FOXP2: variants seen among roughly 807,000 people sequenced by gnomAD.
FOXP2 encodes the protein forkhead box P2.
Under a neutral mutation model 115.8 loss-of-function variants are expected in FOXP2, and 12 were observed. The observed-to-expected ratio is 0.10, with a 90% CI of 0.07 to 0.17. FOXP2 has a LOEUF of 0.17. Among genes scored for constraint, FOXP2 ranks in the 10% least tolerant of loss-of-function variants. FOXP2 has a pLI of 1.00. For missense variants in FOXP2, 629 were observed against 843.5 expected (o/e 0.75, Z 3.15); for synonymous variants, 328 against 297.7 (o/e 1.10, Z -1.05).
At chr7:114,444,692 A>G (rs898317982) in intron 2 of FOXP2, among the ~76,000 whole-genome samples, 2 of 152,216 alleles carry the variant, frequency 1.3e-5, no homozygotes, top group South Asian at 4.1e-4. Context: ...AAATATTTAT[A>G]TAATGTTTAT....
chr7:114,331,500 G>A (rs1285671927), intron 2 of FOXP2, among the ~76,000 whole-genome samples: 2 of 152,180 alleles, frequency 1.3e-5, no homozygotes, highest in South Asian at 2.1e-4. Flanking sequence ...TTCTTGGCTA[G>A]TGTGCCAAGA....
intron 2 of FOXP2, among the ~76,000 whole-genome samples, chr7:114,477,963 A>G (rs1796360425): frequency 6.6e-6 from 1 of 151,770 alleles, no homozygotes; most frequent in African/African-American, 2.4e-5. Context: ...GTTCTACAAA[A>G]ACTTCTGGGC....
At chr7:114,138,374 A>G (rs1792100165) in intron 1 of FOXP2, among the ~76,000 whole-genome samples, 1 of 149,450 alleles carries the variant, frequency 6.7e-6, no homozygotes, top group Admixed American at 6.8e-5. Flanking sequence ...CCTCCCCACA[A>G]CAACTCTATA....
chr7:114,291,284 A>T (rs1796582376), intron 2 of FOXP2, among the ~76,000 whole-genome samples: 1 of 152,072 alleles, frequency 6.6e-6, no homozygotes, highest in South Asian at 2.1e-4. Context: ...CCTTTTATAA[A>T]AAGGGCACTA....
At chr7:114,491,649 T>G (rs1584801878) in intron 2 of FOXP2, among the ~76,000 whole-genome samples, 1 of 152,188 alleles carries the variant, frequency 6.6e-6, no homozygotes, top group South Asian at 2.1e-4. Context: ...AGTCTAACAT[T>G]TAAGTCTTTA....
intron 1 of FOXP2, among the ~76,000 whole-genome samples, chr7:114,285,856 A>T (rs1796454530): frequency 6.6e-6 from 1 of 151,850 alleles, no homozygotes; most frequent in African/African-American, 2.4e-5. Context: ...ACCAGTATTA[A>T]TTCCTCATTG....
At chr7:114,633,252 CA>C (rs1246534261) in intron 6 of FOXP2, among the ~76,000 whole-genome samples, 2 of 151,896 alleles carry the variant, frequency 1.3e-5, no homozygotes, top group Non-Finnish European at 2.9e-5. Flanking sequence ...TCAAAACAAG[CA>C]AAAAACATCT....
rs561838174 is a variant in FOXP2, at chr7:114,274,131, C to G, written c.-101-13888C>G. On this transcript the variant is annotated intron_variant, in intron 1 of 17. Transcript: ENST00000634411. Reference sequence around the variant, plus strand: ...TCCCATAGTTTGCAATATAGACTTACAACTAATCCAAGTCCACTTTCAAGT... The same window carrying G: ...TCCCATAGTTTGCAATATAGACTTAGAACTAATCCAAGTCCACTTTCAAGT... Among the ~76,000 whole-genome samples the G allele has an allele frequency of 1.4e-3, 218 of 151,816 alleles. 1 individual carries two copies. The highest frequency in any genetic ancestry group is 4.9e-3 in the African/African-American group (201 of 41,430).
intron 1 of FOXP2, among the ~76,000 whole-genome samples, chr7:114,228,226 A>G (rs1794790457): frequency 6.6e-6 from 1 of 152,002 alleles, no homozygotes; most frequent in African/African-American, 2.4e-5. Flanking sequence ...TCTTGAAAAG[A>G]TATGAGTGTT....
intron 3 of FOXP2, among the ~76,000 whole-genome samples, chr7:114,541,508 T>C (rs902172933): frequency 1.3e-5 from 2 of 152,014 alleles, no homozygotes; most frequent in Non-Finnish European, 2.9e-5. Flanking sequence ...GTTTAGTTGA[T>C]TGCAACACAG....
At chr7:114,471,433 A>G (rs1796040524) in intron 2 of FOXP2, among the ~76,000 whole-genome samples, 1 of 152,112 alleles carries the variant, frequency 6.6e-6, no homozygotes, top group Admixed American at 6.5e-5. Flanking sequence ...CACATACCTT[A>G]ATATCTCTGT....
At chr7:114,492,624 T>G (rs868547800) in intron 2 of FOXP2, among the ~76,000 whole-genome samples, 2 of 152,304 alleles carry the variant, frequency 1.3e-5, no homozygotes, top group African/African-American at 2.4e-5. Flanking sequence ...TTTGTTCTCG[T>G]TGGTGTCAAA....
intron 2 of FOXP2, among the ~76,000 whole-genome samples, chr7:114,346,908 G>T (rs1791362614): frequency 6.6e-6 from 1 of 151,708 alleles, no homozygotes; most frequent in Non-Finnish European, 1.5e-5. Flanking sequence ...GGCTTTTGAA[G>T]GTTCTCACCA....
intron 2 of FOXP2, among the ~76,000 whole-genome samples, chr7:114,431,237 A>T (rs924343179): frequency 6.6e-6 from 1 of 151,928 alleles, no homozygotes; most frequent in African/African-American, 2.4e-5. Flanking sequence ...CTGTATTTGC[A>T]TTCAATCCTT....
At chr7:114,432,984 T>C (rs985438699) in intron 2 of FOXP2, among the ~76,000 whole-genome samples, 1 of 151,986 alleles carries the variant, frequency 6.6e-6, no homozygotes, top group African/African-American at 2.4e-5. Flanking sequence ...AGTAACTCGA[T>C]TTCACTGTTT....
chr7:114,101,520 G>T (rs1790956234), intron 1 of FOXP2, among the ~76,000 whole-genome samples: 1 of 152,054 alleles, frequency 6.6e-6, no homozygotes, highest in African/African-American at 2.4e-5. Flanking sequence ...ACAAGGTTTG[G>T]CATGGATTAT....
At chr7:114,283,591 G>A (rs536313336) in intron 1 of FOXP2, among the ~76,000 whole-genome samples, 17 of 152,074 alleles carry the variant, frequency 1.1e-4, no homozygotes, top group African/African-American at 3.9e-4. Context: ...TTAACAAAGA[G>A]TTCCAAGTAG....
At chr7:114,105,918 A>G (rs1022250531) in intron 1 of FOXP2, among the ~76,000 whole-genome samples, 1 of 152,182 alleles carries the variant, frequency 6.6e-6, no homozygotes. Context: ...ATTTCACACT[A>G]CTTCTCATGA....
chr7:114,624,684 T>G (rs1016203662), intron 3 of FOXP2, among the ~76,000 whole-genome samples: 1 of 151,786 alleles, frequency 6.6e-6, no homozygotes, highest in Non-Finnish European at 1.5e-5. Context: ...AACAGAGATA[T>G]GATCTTTGCA....
Sources: allele counts gnomAD v4.1 joint callset (sites outside exome capture counted in the v4.1 genomes callset), GRCh38; gene constraint gnomAD v4.1.1; transcripts MANE v1.5; gene names NCBI Gene and HGNC (gene_info 2026-07-23, HGNC 2026-07-21).